PNLIP: variants seen among roughly 807,000 people sequenced by gnomAD.
PNLIP encodes the protein pancreatic lipase.
In PNLIP, 49 loss-of-function variants were observed where a neutral mutation model predicts 57.1. The ratio of observed to expected loss-of-function variants is 0.86; its 90% CI spans 0.68 to 1.09. PNLIP has a LOEUF of 1.09. Ranked by LOEUF, PNLIP falls within the 50% of genes least tolerant of loss-of-function variation. The pLI is 0.00. For synonymous variants in PNLIP, 209 were observed against 200.4 expected (o/e 1.04, Z -0.36); for missense variants, 503 against 570.2 (o/e 0.88, Z 1.20).
chr10:116,567,207 T>C (rs11197739), intron 12 of PNLIP, among the ~76,000 whole-genome samples: 1 of 151,986 alleles, frequency 6.6e-6, no homozygotes, highest in African/African-American at 2.4e-5. Context: ...CTTTCTTTTT[T>C]TCTCTTTCTC....
chr10:116,551,335 ACTTCT>A (rs1403415611), intron 5 of PNLIP, 103 bp downstream of exon 5: 1 of 798,288 alleles, frequency 1.3e-6, no homozygotes, highest in Admixed American at 3.7e-5. Context: ...AGATAAAGAC[ACTTCT>A]CTACTCAGAT....
chr10:116,546,436 A>C (rs888459102), intron 2 of PNLIP, among the ~76,000 whole-genome samples: 3 of 152,220 alleles, frequency 2.0e-5, no homozygotes. Context: ...TTGTATTTTG[A>C]TTTGCTAAAT....
At chr10:116,546,541 C>G (rs1424050748) in intron 2 of PNLIP, among the ~76,000 whole-genome samples, 1 of 152,170 alleles carries the variant, frequency 6.6e-6, no homozygotes, top group African/African-American at 2.4e-5. Flanking sequence ...CTTAACTCTT[C>G]TGTGCTTCAG....
chr10:116,549,451 C>A (rs1847166899), intron 4 of PNLIP, among the ~76,000 whole-genome samples: 1 of 152,004 alleles, frequency 6.6e-6, no homozygotes, highest in Non-Finnish European at 1.5e-5. Flanking sequence ...TGCACTCCAG[C>A]CTGGACAACA....
chr10:116,560,618 C>T (rs1169271784), intron 11 of PNLIP, 94 bp downstream of exon 11: 2 of 604,434 alleles, frequency 3.3e-6, no homozygotes, highest in Non-Finnish European at 5.6e-6. Flanking sequence ...TGCTCTGTCA[C>T]CCAGGCTGGA....
chr10:116,551,226 T>A lies in PNLIP; in HGVS notation c.453T>A (p.Phe151Leu). 6.2e-7 allele frequency: 1 copy of A among 1,609,566 alleles called. No homozygotes were observed. The highest frequency in any genetic ancestry group is 1.7e-5 in the Admixed American group (1 of 59,602). ...VGAEVAYFVE[F>L]LQSAFGYSPS... ...CAGAAGTGGCATATTTTGTTGAATTTCTTCAGGTAATTACTCCCGGATTGC... is the reference window on the plus strand; with the variant it reads ...CAGAAGTGGCATATTTTGTTGAATTACTTCAGGTAATTACTCCCGGATTGC... Residue 151 changes from phenylalanine to leucine, a missense_variant, in exon 5 of 13, where the codon TTT (phenylalanine) becomes TTA (leucine). By Grantham distance (22) the Phe-to-Leu change is conservative. Coordinates refer to ENST00000369221, the MANE Select transcript of PNLIP (RefSeq NM_000936.4).
chr10:116,567,658 C>A, intron 12 of PNLIP, 77 bp from the exon 13 acceptor site: 1 of 1,194,304 alleles, frequency 8.4e-7, no homozygotes. Context: ...AGGTTGGGGG[C>A]ATAGATTGTC....
At chr10:116,546,589 A>G (rs1306785680) in intron 2 of PNLIP, among the ~76,000 whole-genome samples, 1 of 152,116 alleles carries the variant, frequency 6.6e-6, no homozygotes, top group Admixed American at 6.6e-5. Context: ...CGGATTCCCC[A>G]TCTCCTAGGA....
In PNLIP at chr10:116,565,461, C is replaced by CTT. The variant is rs559369951; in HGVS notation, c.1335-2258_1335-2257dup. ...TTGTATTCTGGCTATATAAAATGCA[C>CTT]TTTTTTTTTTTTTTTTTGAGATGGA... On this transcript the variant is annotated intron_variant, in intron 12 of 12. Transcript: ENST00000369221. Among the ~76,000 whole-genome samples the CTT allele has an allele frequency of 5.3e-4, 71 of 134,786 alleles. 2 individuals are homozygous for CTT. The highest frequency in any genetic ancestry group is 7.3e-4 in the South Asian group (3 of 4,124). 88.4% of individuals were successfully genotyped at this position (134,786 alleles called of 152,430 possible).
intron 6 of PNLIP, 78 bp from the exon 7 acceptor site, chr10:116,555,100 C>T: frequency 1.3e-6 from 2 of 1,496,310 alleles, no homozygotes; most frequent in Non-Finnish European, 1.9e-6. Flanking sequence ...CATCCCTTTC[C>T]ATGCATAACT....
intron 5 of PNLIP, among the ~76,000 whole-genome samples, chr10:116,552,078 G>T (rs1013817240): frequency 6.6e-6 from 1 of 152,024 alleles, no homozygotes; most frequent in Non-Finnish European, 1.5e-5. Context: ...ATGGATTTGT[G>T]GTCATGCTGG....
chr10:116,559,022 A>G, intron 9 of PNLIP, 132 bp from the exon 10 acceptor site: 1 of 1,018,820 alleles, frequency 9.8e-7, no homozygotes, highest in Non-Finnish European at 1.4e-6. Context: ...CTGCTGAGAC[A>G]CTATTAAAGT....
chr10:116,553,612 G>A (rs765533396), intron 5 of PNLIP, 115 bp from the exon 6 acceptor site: 2 of 707,844 alleles, frequency 2.8e-6, no homozygotes, highest in Non-Finnish European at 5.1e-6. Flanking sequence ...TATACTTTAT[G>A]ATGTTCCCAC....
At chr10:116,561,161 C>T (rs186170599) in intron 11 of PNLIP, among the ~76,000 whole-genome samples, 21 of 152,268 alleles carry the variant, frequency 1.4e-4, no homozygotes. Context: ...TGATGGCATA[C>T]TCTCATCATT....
At chr10:116,546,672 C>T (rs541235506) in intron 2 of PNLIP, among the ~76,000 whole-genome samples, 7 of 152,282 alleles carry the variant, frequency 4.6e-5, no homozygotes, top group African/African-American at 7.2e-5. Context: ...TGTTGAGAAA[C>T]GCAGCCCCCA....
chr10:116,567,297 T>C (rs947751959), intron 12 of PNLIP, among the ~76,000 whole-genome samples: 6 of 152,046 alleles, frequency 3.9e-5, no homozygotes, highest in Non-Finnish European at 8.8e-5. Context: ...GAAGGCATAT[T>C]GTTCAGTCAC....
intron 12 of PNLIP, among the ~76,000 whole-genome samples, chr10:116,562,676 A>G (rs1432585983): frequency 6.6e-6 from 1 of 152,216 alleles, no homozygotes; most frequent in East Asian, 1.9e-4. Flanking sequence ...TGACCCATGT[A>G]TGAGAACAAA....
At chr10:116,556,730 GT>G (rs375653295) in intron 9 of PNLIP, among the ~76,000 whole-genome samples, 536 of 145,148 alleles carry the variant, frequency 3.7e-3, no homozygotes, top group South Asian at 8.6e-3. Context: ...TATTGTCTGG[GT>G]TTTTTTTTTT....
intron 6 of PNLIP, 119 bp downstream of exon 6, chr10:116,553,957 A>C (rs1301342306): frequency 1.8e-6 from 1 of 541,126 alleles, no homozygotes; most frequent in South Asian, 2.7e-5. Flanking sequence ...AAAAAAAAAA[A>C]AGAAAAAAAG....
Sources: gnomAD v4.1 joint callset for allele counts (sites outside exome capture counted in the v4.1 genomes callset) on GRCh38, gnomAD v4.1.1 for gene constraint, MANE v1.5 for transcripts, NCBI Gene and HGNC (gene_info 2026-07-23, HGNC 2026-07-21) for gene names.